The following CEP20 variants were observed in gnomAD, a reference collection of about 807,000 sequenced individuals.
CEP20 encodes the protein FGFR1OP N-terminal like.
Under a neutral mutation model 20.0 loss-of-function variants are expected in CEP20, and 18 were observed. The ratio of observed to expected loss-of-function variants is 0.90; its 90% CI spans 0.62 to 1.34. The LOEUF is 1.34. CEP20 is among the 40% of genes most tolerant of loss of function. The pLI is 0.00. For missense variants in CEP20, 215 were observed against 201.6 expected (o/e 1.07, Z -0.40); for synonymous variants, 77 against 73.7 (o/e 1.04, Z -0.23).
chr16:15,886,886 T>G (rs1290803003), intron 1 of CEP20, among the ~76,000 whole-genome samples: 2 of 151,078 alleles, frequency 1.3e-5, no homozygotes, highest in Non-Finnish European at 2.9e-5. Context: ...AGTACCTTTT[T>G]TATTTTATTT....
At chr16:15,875,606 A>T (rs1232744722) in intron 3 of CEP20, among the ~76,000 whole-genome samples, 1 of 152,170 alleles carries the variant, frequency 6.6e-6, no homozygotes, top group Non-Finnish European at 1.5e-5. Flanking sequence ...AAATTCATGG[A>T]TTAAGGTTTA....
intron 4 of CEP20, among the ~76,000 whole-genome samples, chr16:15,867,973 CAAAAAAAAAA>C (rs34250443): frequency 1.4e-5 from 1 of 69,644 alleles, no homozygotes; most frequent in African/African-American, 5.1e-5. Context: ...AACTCGGTCT[CAAAAAAAAAA>C]AAAAAAAAAA....
intron 1 of CEP20, among the ~76,000 whole-genome samples, 179 bp from the exon 2 acceptor site, chr16:15,884,384 A>C (rs111869471): frequency 6.6e-6 from 1 of 152,232 alleles, no homozygotes; most frequent in Admixed American, 6.5e-5. Flanking sequence ...GTTTATACTA[A>C]AACATATAGT....
Position 15,879,813 on chromosome 16 carries a change from T to A in CEP20, c.302A>T (p.Asp101Val), listed in dbSNP as rs754380021. ...HELNAFEESK[D>V]NTIPLLYGIL... ...TAAAAAAATGTCTTACATTGTATTA[T>A]CCTTTGATTCTTCAAATGCATTTAG... The change falls in exon 3 of 5, where the codon GAT becomes GTT. Residue 101 changes from aspartate to valine, a missense_variant. Asp to Val is a radical substitution (Grantham distance 152). Coordinates refer to ENST00000255759, the MANE Select transcript of CEP20 (RefSeq NM_144600.4). The A allele has an allele frequency of 6.3e-7, 1 of 1,577,170 alleles. No individual in the cohort carries two copies. Among genetic ancestry groups the A allele is most frequent in the Non-Finnish European group, 8.6e-7 (1 of 1,166,336 alleles).
In CEP20 at chr16:15,870,888, C is replaced by G. The variant is rs143531517; in HGVS notation, c.448+2603G>C. 2.2e-4 allele frequency among the ~76,000 whole-genome samples: 34 copies of G among 152,040 alleles called. No individual in the cohort carries two copies. The East Asian group carries it at 6.2e-3, about 28-fold the overall frequency. ...TAAAAACGAGATCTACACGTATCAACAAGTAAAAAAAAGCAAATTGCAGGA... is the reference window on the plus strand; with the variant it reads ...TAAAAACGAGATCTACACGTATCAAGAAGTAAAAAAAAGCAAATTGCAGGA... On this transcript the variant is annotated intron_variant, in intron 4 of 4. Coordinates refer to ENST00000255759, the MANE Select transcript of CEP20 (RefSeq NM_144600.4).
At chr16:15,873,692 A>T in intron 3 of CEP20, 65 bp from the exon 4 acceptor site, 2 of 1,500,998 alleles carry the variant, frequency 1.3e-6, no homozygotes, top group South Asian at 1.4e-5. Flanking sequence ...GGAAAAGCTT[A>T]AAACATTTAT....
At chr16:15,877,218 A>C (rs971378395) in intron 3 of CEP20, 1 of 152,388 alleles carries the variant, frequency 6.6e-6, no homozygotes, top group Non-Finnish European at 1.5e-5. Context: ...GGGCCATGCT[A>C]ATCTCTGTAC....
chr16:15,887,709 T>C (rs1408961250), intron 1 of CEP20, among the ~76,000 whole-genome samples: 1 of 152,176 alleles, frequency 6.6e-6, no homozygotes, highest in Non-Finnish European at 1.5e-5. Flanking sequence ...AGCGTACAAA[T>C]GTCATTAATG....
intron 4 of CEP20, among the ~76,000 whole-genome samples, chr16:15,872,019 A>C (rs984846130): frequency 1.3e-5 from 2 of 152,192 alleles, no homozygotes; most frequent in Non-Finnish European, 2.9e-5. Flanking sequence ...GTCCTTAAAA[A>C]TTGACCAGCT....
At chr16:15,885,874 G>A (rs1055121529) in intron 1 of CEP20, 1 of 152,220 alleles carries the variant, frequency 6.6e-6, no homozygotes, top group African/African-American at 2.4e-5. Context: ...AAGCAGTTAT[G>A]ATCATGGGAT....
intron 4 of CEP20, among the ~76,000 whole-genome samples, chr16:15,871,176 A>G (rs999432075): frequency 2.0e-5 from 3 of 152,094 alleles, no homozygotes; most frequent in Non-Finnish European, 4.4e-5. Flanking sequence ...GAATCACTTG[A>G]ACCTGGGAGG....
chr16:15,887,871 G>T (rs942368798), intron 1 of CEP20, among the ~76,000 whole-genome samples: 2 of 151,926 alleles, frequency 1.3e-5, no homozygotes, highest in African/African-American at 4.8e-5. Context: ...AAGGCAGGAG[G>T]ATAGCTTGAG....
intron 4 of CEP20, among the ~76,000 whole-genome samples, chr16:15,870,498 A>G (rs923640355): frequency 1.1e-4 from 16 of 152,240 alleles, no homozygotes; most frequent in Admixed American, 3.3e-4. Flanking sequence ...AGAAACGTGT[A>G]GACAAAGATA....
At chr16:15,887,642 G>T (rs1402658901) in intron 1 of CEP20, among the ~76,000 whole-genome samples, 2 of 152,250 alleles carry the variant, frequency 1.3e-5, no homozygotes, top group Non-Finnish European at 2.9e-5. Flanking sequence ...TGACACATGA[G>T]GCTCAATGAT....
Position 15,865,823 on chromosome 16 carries a change from C to T in CEP20, c.*1617G>A, listed in dbSNP as rs894560998. The T allele has an allele frequency of 2.6e-5, 4 of 152,138 alleles. No homozygotes were observed. Among genetic ancestry groups the T allele is most frequent in the East Asian group, 3.8e-4 (2 of 5,196 alleles). The allele number at this position is 152,138 out of a possible 1,614,324, so 9.4% of individuals were successfully genotyped here. ...GCATATAAAAGCGCTATGGACTACA[C>T]GTGACAATTCTGCTTAACTTCCATC... is the stretch of plus-strand genomic sequence containing the variant. On this transcript the variant is annotated 3_prime_UTR_variant, in exon 5 of 5. Transcript: ENST00000255759.
intron 4 of CEP20, among the ~76,000 whole-genome samples, chr16:15,869,665 TG>T (rs1250593791): frequency 6.6e-6 from 1 of 152,028 alleles, no homozygotes; most frequent in Non-Finnish European, 1.5e-5. Flanking sequence ...ATATTTCTGT[TG>T]AATGAGCTTC....
At chr16:15,878,284 T>C (rs12596325) in intron 3 of CEP20, among the ~76,000 whole-genome samples, 10,550 of 152,156 alleles carry the variant, frequency 0.069, 490 homozygotes, top group East Asian at 0.22. Flanking sequence ...CTTCCAGGCA[T>C]AATCAGAAAT....
At chr16:15,883,452 TG>T (rs1391467534) in intron 2 of CEP20, among the ~76,000 whole-genome samples, 1 of 152,012 alleles carries the variant, frequency 6.6e-6, no homozygotes, top group African/African-American at 2.4e-5. Context: ...CCAGAGCACA[TG>T]GGCTCACATG....
chr16:15,877,987 G>A (rs538923910), intron 3 of CEP20, among the ~76,000 whole-genome samples: 1 of 152,026 alleles, frequency 6.6e-6, no homozygotes, highest in Non-Finnish European at 1.5e-5. Flanking sequence ...AACCCAGGAG[G>A]AGATTGCGGT....
Sources: gnomAD v4.1 joint callset for allele counts (sites outside exome capture counted in the v4.1 genomes callset) on GRCh38, gnomAD v4.1.1 for gene constraint, MANE v1.5 for transcripts, NCBI Gene and HGNC (gene_info 2026-07-23, HGNC 2026-07-21) for gene names.